Variants in ZNF34 observed in about 807,000 individuals in gnomAD.
ZNF34 encodes the protein zinc finger protein 34, also known as zinc finger protein 34 (KOX 32).
Under a neutral mutation model 14.4 loss-of-function variants are expected in ZNF34, and 8 were observed. That is an observed-to-expected ratio of 0.55 (90% confidence interval 0.33 to 1.00). The LOEUF (loss-of-function observed/expected upper bound fraction) is 1.00, where lower values mean the gene tolerates loss of function less well. ZNF34 is among the 50% of genes least tolerant of loss of function. The pLI, the probability that ZNF34 is intolerant of heterozygous loss-of-function variation, is 0.03. For synonymous variants in ZNF34, 235 were observed against 247.9 expected (o/e 0.95, Z 0.49); for missense variants, 538 against 674.2 (o/e 0.80, Z 2.24).
At chr8:144,784,018 GC>G (rs1380580423) in intron 1 of ZNF34, among the ~76,000 whole-genome samples, 3 of 152,208 alleles carry the variant, frequency 2.0e-5, no homozygotes, top group South Asian at 2.1e-4. Flanking sequence ...AATTAGCCCG[GC>G]CATGGTGGCA....
Position 144,773,249 on chromosome 8 carries a change from C to A in ZNF34, c.*17G>T, listed in dbSNP as rs199714684. 2.0e-5 allele frequency: 32 copies of A among 1,580,808 alleles called. No individual in the cohort carries two copies. The South Asian group carries it at 3.7e-4, about 18-fold the overall frequency. The stretch of plus-strand genomic sequence containing the variant: ...GAAGTGCTCAGCTGGACTCTGCCCT[C>A]GGACACCGCGCCACTGTTACATGGA... On this transcript the variant is annotated 3_prime_UTR_variant, in exon 6 of 6. Transcript: ENST00000429371. This position sits in a 1 kb window ranked among gnomAD's most constrained non-coding sequence, Gnocchi z 5.4.
rs1586730919 is a variant in ZNF34 at position 144,777,404 on chromosome 8, C to A, written c.280+54G>T. ...GATTCATTAATCAGACACCCTGGAC[C>A]CCAATAAAGGCTCGTTCGGTGACTT... On this transcript the variant is annotated intron_variant, in intron 5 of 5. Transcript: ENST00000429371. The surrounding 1 kb of genome is among the most constrained non-coding windows in gnomAD (Gnocchi z 4.8). 6.5e-7 allele frequency: 1 copy of A among 1,540,144 alleles called. No homozygotes were observed. Among genetic ancestry groups the A allele is most frequent in the Non-Finnish European group, 8.8e-7 (1 of 1,140,178 alleles).
Position 144,773,299 on chromosome 8 carries a change from C to T in ZNF34, c.1587G>A (p.Gln529=). ...FRHSSNMCQH[Q]RIHLREDFSM is the part of the protein sequence containing the mutation. ...AGAAGTCCTCCCGGAGGTGAATCCG[C>T]TGATGCTGACACATGTTGGAACTGT... Residue 529 remains glutamine (Q), a synonymous_variant, in exon 6 of 6, where the codon CAG becomes CAA. Transcript: ENST00000429371. This position sits in a 1 kb window ranked among gnomAD's most constrained non-coding sequence, Gnocchi z 5.4. 6.2e-7 allele frequency: 1 copy of T among 1,611,994 alleles called. No homozygotes were observed. Among genetic ancestry groups the T allele is most frequent in the African/African-American group, 1.3e-5 (1 of 75,036 alleles).
rs954901384 is a variant in ZNF34, at chr8:144,777,153, C to T, written c.280+305G>A. 3.9e-5 allele frequency among the ~76,000 whole-genome samples: 6 copies of T among 152,074 alleles called. No homozygotes were observed. The highest frequency in any genetic ancestry group is 5.9e-5 in the Non-Finnish European group (4 of 68,016). On this transcript the variant is annotated intron_variant, in intron 5 of 5. Transcript: ENST00000429371. The surrounding 1 kb of genome is among the most constrained non-coding windows in gnomAD (Gnocchi z 4.8). The stretch of plus-strand genomic sequence containing the variant: ...TGGAGCGCAGGGTTCTGTGGGGTTC[C>T]GCAGACCCTAACAGCACCCCTGTTC...
Position 144,773,959 on chromosome 8 carries a change from A to G in ZNF34, c.927T>C (p.Thr309=). The G allele has an allele frequency of 6.2e-7, 1 of 1,614,014 alleles. No homozygotes were observed. The highest frequency in any genetic ancestry group is 2.2e-5 in the East Asian group (1 of 44,856). ...PNLMKHQRIH[T]GEKPYKCGEC... is the part of the protein sequence containing the mutation. ...CCCCACACTTGTAGGGTTTCTCCCC[A>G]GTGTGAATCCTCTGGTGCTTCATGA... The change falls in exon 6 of 6, where the codon ACT becomes ACC. Residue 309 remains threonine (T), a synonymous_variant. Coordinates refer to ENST00000429371, the MANE Select transcript of ZNF34 (RefSeq NM_001286769.2). The surrounding 1 kb of genome is among the most constrained non-coding windows in gnomAD (Gnocchi z 5.4).
chr8:144,773,857 T>C lies in ZNF34; in HGVS notation c.1029A>G (p.Lys343=), dbSNP rs781533043. The C allele has an allele frequency of 6.2e-7, 1 of 1,613,878 alleles. No homozygotes were observed. Among genetic ancestry groups the C allele is most frequent in the East Asian group, 2.2e-5 (1 of 44,832 alleles). Residue 343 remains lysine, a synonymous_variant, in exon 6 of 6, where the codon AAA becomes AAG. Coordinates refer to ENST00000429371, the MANE Select transcript of ZNF34 (RefSeq NM_001286769.2). The surrounding 1 kb of genome is among the most constrained non-coding windows in gnomAD (Gnocchi z 5.4). ...TGAAGGCTTTCCCGCAGTCATTACA[T>C]TTATAGGGTTTCTCTCCGGTGTGGA... is the stretch of plus-strand genomic sequence containing the variant. ...QRIHTGEKPY[K]CNDCGKAFSD...
At position 144,777,436 on chromosome 8, in the gene ZNF34, G is replaced by A. The variant is rs1825590283; in HGVS notation, c.280+22C>T. 1.3e-6 allele frequency: 2 copies of A among 1,550,156 alleles called. No homozygotes were observed. The highest frequency in any genetic ancestry group is 8.7e-7 in the Non-Finnish European group (1 of 1,146,258). ...AAGGCTCGTTCGGTGACTTGAGTTG[G>A]GGAGCAGATCCCCTCACGCACCTGG... On this transcript the variant is annotated intron_variant, in intron 5 of 5. Transcript: ENST00000429371. This position sits in a 1 kb window ranked among gnomAD's most constrained non-coding sequence, Gnocchi z 4.8.
rs1439306515 is a variant in ZNF34 at position 144,779,540 on chromosome 8, A to G, written c.-55+688T>C. 2.0e-5 allele frequency among the ~76,000 whole-genome samples: 3 copies of G among 151,484 alleles called. No individual in the cohort carries two copies. The highest frequency in any genetic ancestry group is 7.3e-5 in the African/African-American group (3 of 41,184). On this transcript the variant is annotated intron_variant, in intron 2 of 5. Transcript: ENST00000429371. The surrounding 1 kb of genome is among the most constrained non-coding windows in gnomAD (Gnocchi z 4.1). ...TAACCTGTCTTTTCTCATTCCTTTG[A>G]CTCCGCTGGACTTCATAGCCCCCAT...
At chr8:144,782,842 C>CAAAAAAAAAAAA (rs548252812) in intron 1 of ZNF34, among the ~76,000 whole-genome samples, 255 of 22,916 alleles carry the variant, frequency 0.011, 12 homozygotes, top group East Asian at 0.024. Flanking sequence ...AAGCCTATCT[C>CAAAAAAAAAAAA]AAAAAAAAAA....
In ZNF34 at chr8:144,772,887, T is replaced by C. The variant is rs1825252010; in HGVS notation, c.*379A>G. Among the ~76,000 whole-genome samples the C allele has an allele frequency of 1.3e-5, 2 of 152,246 alleles. No individual in the cohort carries two copies. The highest frequency in any genetic ancestry group is 2.9e-5 in the Non-Finnish European group (2 of 68,050). On this transcript the variant is annotated 3_prime_UTR_variant, in exon 6 of 6. Transcript: ENST00000429371. ...GTAAAAATGTTAAAATATATGGTGC[T>C]CTCTTCAGTGTGAATTTTCTGATAT...
Position 144,773,554 on chromosome 8 carries a change from G to A in ZNF34, c.1332C>T (p.His444=), listed in dbSNP as rs376595358. 2 of 1,613,984 alleles carry A rather than the reference G, an allele frequency of 1.2e-6. No individual in the cohort carries two copies. The highest frequency in any genetic ancestry group is 1.7e-6 in the Non-Finnish European group (2 of 1,180,022). ...VFSQSTHLIQ[H]QRIHTGEKPY... is the part of the protein sequence containing the mutation. ...GCTTCTCTCCTGTGTGGATTCTCTG[G>A]TGCTGGATGAGGTGTGTGCTTTGGC... Residue 444 remains histidine, a synonymous_variant, in exon 6 of 6, where the codon CAC becomes CAT. Coordinates refer to ENST00000429371, the MANE Select transcript of ZNF34 (RefSeq NM_001286769.2). The surrounding 1 kb of genome is among the most constrained non-coding windows in gnomAD (Gnocchi z 5.4).
Position 144,778,503 on chromosome 8 carries a change from A to G in ZNF34, c.-32T>C. On this transcript the variant is annotated 5_prime_UTR_variant, in exon 3 of 6. Coordinates refer to ENST00000429371, the MANE Select transcript of ZNF34 (RefSeq NM_001286769.2). Reference sequence around the variant, plus strand: ...AGGGTTGGGCTTTCTGAGGGCAGTGAGCAGGAGCTGGTCACTGAGGAGCTG... The same window carrying G: ...AGGGTTGGGCTTTCTGAGGGCAGTGGGCAGGAGCTGGTCACTGAGGAGCTG... 1 of 1,586,254 alleles carries G rather than the reference A, an allele frequency of 6.3e-7. No homozygotes were observed. The highest frequency in any genetic ancestry group is 8.6e-7 in the Non-Finnish European group (1 of 1,166,726).
intron 2 of ZNF34, among the ~76,000 whole-genome samples, chr8:144,778,919 C>T (rs982074103): frequency 6.6e-6 from 1 of 152,104 alleles, no homozygotes; most frequent in Non-Finnish European, 1.5e-5. Flanking sequence ...GCAGGACTAG[C>T]TTGTCTGCCA....
Position 144,780,263 on chromosome 8 carries a change from G to A in ZNF34, c.-90C>T, listed in dbSNP as rs750763653. 2.1e-5 allele frequency: 33 copies of A among 1,550,186 alleles called. No individual in the cohort carries two copies. The South Asian group carries it at 3.9e-4, about 18-fold the overall frequency. ...CATGAGACTCTCGGATTAGATACATGTGATGCAACTATTTGGCCTAAAATA... is the reference window on the plus strand; with the variant it reads ...CATGAGACTCTCGGATTAGATACATATGATGCAACTATTTGGCCTAAAATA... On this transcript the variant is annotated 5_prime_UTR_variant, in exon 2 of 6. Coordinates refer to ENST00000429371, the MANE Select transcript of ZNF34 (RefSeq NM_001286769.2).
In ZNF34 at chr8:144,777,314, G is replaced by A; in HGVS notation, c.280+144C>T. 8.9e-7 allele frequency: 1 copy of A among 1,122,320 alleles called. No individual in the cohort carries two copies. Among genetic ancestry groups the A allele is most frequent in the Non-Finnish European group, 1.2e-6 (1 of 812,498 alleles). The allele number at this position is 1,122,320 out of a possible 1,614,324, so 69.5% of individuals were successfully genotyped here. ...GCCCAGACTGAGAGGGGTCACCTGG[G>A]CTTCAGCAAAGGCCACTGTCAGGCC... On this transcript the variant is annotated intron_variant, in intron 5 of 5. Transcript: ENST00000429371. The surrounding 1 kb of genome is among the most constrained non-coding windows in gnomAD (Gnocchi z 4.8).
At chr8:144,778,264 T>C in intron 3 of ZNF34, 100 bp from the exon 4 acceptor site, 1 of 1,508,156 alleles carries the variant, frequency 6.6e-7, no homozygotes, top group Non-Finnish European at 8.9e-7. Flanking sequence ...GCACAGTGGG[T>C]GGCCTGACCC....
At chr8:144,778,772 G>T (rs1207373303) in intron 2 of ZNF34, among the ~76,000 whole-genome samples, 2 of 151,064 alleles carry the variant, frequency 1.3e-5, no homozygotes, top group African/African-American at 2.4e-5. Context: ...TCTCTTAGTT[G>T]CCCAGGCTAG....
rs1329267799 is a variant in ZNF34, at chr8:144,773,792, G to T, written c.1094C>A (p.Thr365Asn). 6.2e-7 allele frequency: 1 copy of T among 1,614,080 alleles called. No individual in the cohort carries two copies. The highest frequency in any genetic ancestry group is 8.5e-7 in the Non-Finnish European group (1 of 1,179,956). ...CTTGCACTCAAATGGCTTCTCTCCGGTGTGAGTCCGACGATGTCGGATAAG... is the reference window on the plus strand; with the variant it reads ...CTTGCACTCAAATGGCTTCTCTCCGTTGTGAGTCCGACGATGTCGGATAAG... ...SILIRHRRTH[T>N]GEKPFECKEC... is the part of the protein sequence containing the mutation. The change falls in exon 6 of 6, where the codon ACC becomes AAC. Residue 365 changes from threonine to asparagine, a missense_variant. Thr to Asn is a moderately conservative substitution (Grantham distance 65, BLOSUM62 0). This residue lies in a region of ZNF34 where 431 missense variants were observed against 525.7 expected (regional missense o/e 0.82). Transcript: ENST00000429371. This position sits in a 1 kb window ranked among gnomAD's most constrained non-coding sequence, Gnocchi z 5.4.
rs375110740 is a variant in ZNF34, at chr8:144,782,754, T to C, written c.-107-2474A>G. Among the ~76,000 whole-genome samples, 78 of 143,196 alleles carry C rather than the reference T, an allele frequency of 5.4e-4. No homozygotes were observed. The South Asian group carries it at 0.017, about 31-fold the overall frequency. 93.9% of individuals were successfully genotyped at this position (143,196 alleles called of 152,430 possible). On this transcript the variant is annotated intron_variant, in intron 1 of 5. Transcript: ENST00000429371. ...TGGGAGGCTGAGGTGGGAGGATCGC[T>C]TGAGCCCAGGAGGCAGAAGCTGCAG...
Sources: allele counts gnomAD v4.1 joint callset (sites outside exome capture counted in the v4.1 genomes callset), GRCh38; gene constraint gnomAD v4.1.1; regional missense constraint gnomAD v4.1.1; non-coding constraint Gnocchi (gnomAD v3.1); transcripts MANE v1.5; gene names NCBI Gene and HGNC (gene_info 2026-07-23, HGNC 2026-07-21).